Variants in TGFBR2 observed in about 807,000 individuals in gnomAD.
The protein encoded by TGFBR2 is TGF-beta receptor type-2.
In TGFBR2, 18 loss-of-function variants were observed where a neutral mutation model predicts 49.0. That is an observed-to-expected ratio of 0.37 (90% CI 0.25 to 0.54). The LOEUF is 0.54. Among genes scored for constraint, TGFBR2 ranks in the 20% least tolerant of loss-of-function variants. TGFBR2 has a pLI of 0.85. For missense variants in TGFBR2, 525 were observed against 722.6 expected (o/e 0.73, Z 3.13); for synonymous variants, 282 against 275.9 (o/e 1.02, Z -0.22).
chr3:30,635,044 A>G (rs559473697), intron 1 of TGFBR2, among the ~76,000 whole-genome samples: 37 of 152,350 alleles, frequency 2.4e-4, no homozygotes, highest in Non-Finnish European at 4.7e-4. Context: ...GAGCTTTATC[A>G]ATGAAAAACT....
chr3:30,658,287 T>A (rs561281579), intron 3 of TGFBR2, among the ~76,000 whole-genome samples: 2 of 152,238 alleles, frequency 1.3e-5, no homozygotes, highest in Admixed American at 1.3e-4. Context: ...TTTAGCATAC[T>A]AATATCACTC....
chr3:30,688,934 C>T (rs1037555324), intron 6 of TGFBR2, among the ~76,000 whole-genome samples: 2 of 152,140 alleles, frequency 1.3e-5, no homozygotes, highest in Non-Finnish European at 2.9e-5. Context: ...GTTTGTCAGG[C>T]AGCTGTAGTG....
At chr3:30,617,129 C>T (rs1056507969) in intron 1 of TGFBR2, among the ~76,000 whole-genome samples, 1 of 151,138 alleles carries the variant, frequency 6.6e-6, no homozygotes, top group African/African-American at 2.4e-5. Context: ...TGTTCTGTTG[C>T]CTTTCAAATA....
At chr3:30,636,597 A>C (rs1342217269) in intron 1 of TGFBR2, among the ~76,000 whole-genome samples, 1 of 152,212 alleles carries the variant, frequency 6.6e-6, no homozygotes, top group Non-Finnish European at 1.5e-5. Flanking sequence ...GAAGGGTATG[A>C]AATAAAAAGT....
chr3:30,641,145 G>A (rs1698637085), intron 1 of TGFBR2, among the ~76,000 whole-genome samples: 1 of 152,112 alleles, frequency 6.6e-6, no homozygotes, highest in Non-Finnish European at 1.5e-5. Context: ...GTTGGCTTGG[G>A]ATGCCTTAAC....
chr3:30,669,238 G>C (rs1346664340), intron 3 of TGFBR2, among the ~76,000 whole-genome samples: 1 of 150,914 alleles, frequency 6.6e-6, no homozygotes, highest in Non-Finnish European at 1.5e-5. Context: ...TTGCACTGCT[G>C]CCTGGGTAAC....
Position 30,681,160 on chromosome 3 carries a change from G to GGAAAAAAAAA in TGFBR2, c.1396+6914_1396+6915insGAAAAAAAAA, listed in dbSNP as rs1553631102. Among the ~76,000 whole-genome samples, 4 of 83,004 alleles carry GGAAAAAAAAA rather than the reference G, an allele frequency of 4.8e-5. 2 individuals are homozygous for GGAAAAAAAAA. 54.5% of individuals were successfully genotyped at this position (83,004 alleles called of 152,430 possible). A position where few individuals can be genotyped will look rare whatever the true frequency, so the allele number is the denominator to read the frequency against. On this transcript the variant is annotated intron_variant, in intron 5 of 6. Coordinates refer to ENST00000295754, the MANE Select transcript of TGFBR2 (RefSeq NM_003242.6). ...TCAAGTTGCTGCAGCCTTGTGAGAT[G>GGAAAAAAAAA]AAAAAAAAAAAAAAAAAAAAAGTGC...
intron 1 of TGFBR2, among the ~76,000 whole-genome samples, chr3:30,634,964 A>G (rs180889237): frequency 8.5e-5 from 13 of 152,248 alleles, no homozygotes; most frequent in East Asian, 7.7e-4. Context: ...CCCAAACCCT[A>G]CATTCTGGTT....
intron 1 of TGFBR2, among the ~76,000 whole-genome samples, chr3:30,641,833 C>T (rs1351666360): frequency 3.3e-5 from 5 of 152,066 alleles, no homozygotes; most frequent in Non-Finnish European, 5.9e-5. Flanking sequence ...AGTGGTGCTC[C>T]TGGAGCTGTG....
chr3:30,680,686 AC>A (rs1160238354), intron 5 of TGFBR2, among the ~76,000 whole-genome samples: 1 of 152,158 alleles, frequency 6.6e-6, no homozygotes, highest in Non-Finnish European at 1.5e-5. Context: ...CTGAAAGAAT[AC>A]AAAAGAAAAA....
At chr3:30,644,281 G>A (rs1003202575) in intron 1 of TGFBR2, among the ~76,000 whole-genome samples, 5 of 152,188 alleles carry the variant, frequency 3.3e-5, no homozygotes, top group African/African-American at 1.2e-4. Context: ...CTGCCCAGCT[G>A]AGCGGTGATG....
intron 5 of TGFBR2, among the ~76,000 whole-genome samples, chr3:30,685,346 A>G (rs1699602630): frequency 1.3e-5 from 2 of 152,354 alleles, no homozygotes; most frequent in South Asian, 4.1e-4. Context: ...TTGCAGCTAC[A>G]GTCAGATTGT....
chr3:30,607,218 G>C (rs1283813536), intron 1 of TGFBR2, among the ~76,000 whole-genome samples: 1 of 152,244 alleles, frequency 6.6e-6, no homozygotes, highest in Non-Finnish European at 1.5e-5. Flanking sequence ...CCCTTTGTGC[G>C]AGCAGGAAAG....
intron 1 of TGFBR2, among the ~76,000 whole-genome samples, chr3:30,641,730 T>C (rs1268620838): frequency 6.6e-6 from 1 of 152,152 alleles, no homozygotes; most frequent in Non-Finnish European, 1.5e-5. Flanking sequence ...AGTTGCTTGT[T>C]TGGCTTTTCT....
chr3:30,623,415 G>A (rs1450296296), intron 1 of TGFBR2: 1 of 1,093,224 alleles, frequency 9.1e-7, no homozygotes. Flanking sequence ...TGTTAAAGAG[G>A]CGATGGCAGT....
chr3:30,644,735 C>T lies in TGFBR2; in HGVS notation c.95-12C>T, dbSNP rs1473341075. On this transcript the variant is annotated splice_polypyrimidine_tract_variant and intron_variant, in intron 1 of 6. Coordinates refer to ENST00000295754, the MANE Select transcript of TGFBR2 (RefSeq NM_003242.6). ...TTGGATAATCATTTAATATATCTTT[C>T]TCTCTCCTCAGTTAATAACGACATG... 1 of 1,613,502 alleles carries T rather than the reference C, an allele frequency of 6.2e-7. No homozygotes were observed. The highest frequency in any genetic ancestry group is 8.5e-7 in the Non-Finnish European group (1 of 1,179,542).
chr3:30,675,384 A>G (rs1478291353), intron 5 of TGFBR2, among the ~76,000 whole-genome samples: 1 of 130,642 alleles, frequency 7.7e-6, no homozygotes, highest in Admixed American at 8.6e-5. Context: ...AAGCCAAACT[A>G]ACTCCACCCT....
intron 3 of TGFBR2, among the ~76,000 whole-genome samples, chr3:30,662,869 T>C (rs557833611): frequency 2.0e-4 from 30 of 152,250 alleles, no homozygotes; most frequent in Non-Finnish European, 3.2e-4. Context: ...AACTTAACTT[T>C]ATTTTTGCTA....
chr3:30,686,125 AT>A (rs1454231787), intron 5 of TGFBR2, among the ~76,000 whole-genome samples: 4 of 152,180 alleles, frequency 2.6e-5, no homozygotes, highest in Non-Finnish European at 5.9e-5. Context: ...ACCAGATCTG[AT>A]TCTCAGTTTT....
Sources: allele counts gnomAD v4.1 joint callset (sites outside exome capture counted in the v4.1 genomes callset), GRCh38; gene constraint gnomAD v4.1.1; transcripts MANE v1.5; gene names NCBI Gene and HGNC (gene_info 2026-07-23, HGNC 2026-07-21).